The following GPC5 variants were observed in gnomAD, a reference collection of about 807,000 sequenced individuals.
GPC5 encodes the protein glypican-5.
A neutral mutation model predicts 53.9 loss-of-function variants in GPC5; 47 were observed. That is an observed-to-expected ratio of 0.87 (90% CI 0.69 to 1.11). The LOEUF (loss-of-function observed/expected upper bound fraction) is 1.11. GPC5 is among the 50% of genes most tolerant of loss of function. The probability of loss-of-function intolerance (pLI) is 0.00; values close to 1 mark genes in which losing one functional copy is unlikely to be tolerated. For synonymous variants in GPC5, 286 were observed against 263.3 expected, an observed-to-expected ratio of 1.09 and a Z score of -0.84; for missense variants, 748 against 713.1, an observed-to-expected ratio of 1.05 and a Z score of -0.56.
At chr13:91,657,472 G>T (rs552952317) in intron 2 of GPC5, among the ~76,000 whole-genome samples, 1 of 152,184 alleles carries the variant, frequency 6.6e-6, no homozygotes, top group Admixed American at 6.6e-5. Context: ...GCTCAGAGTG[G>T]GTTGCGGATT....
intron 7 of GPC5, among the ~76,000 whole-genome samples, chr13:92,173,590 G>T (rs2042085945): frequency 6.6e-6 from 1 of 152,056 alleles, no homozygotes; most frequent in African/African-American, 2.4e-5. Flanking sequence ...TTAGGAGTTG[G>T]TTTAATAAAG....
intron 7 of GPC5, among the ~76,000 whole-genome samples, chr13:92,379,559 T>TTGCATATTAGTTCCTCTCTGTGCCCCC (rs1566564183): frequency 1.3e-5 from 2 of 149,156 alleles, no homozygotes; most frequent in African/African-American, 5.0e-5. Flanking sequence ...CCTGTGCCCC[T>TTGCATATTAGTTCCTCTCTGTGCCCCC]TGCATATTAG....
chr13:92,138,562 A>G (rs1229556069), intron 6 of GPC5, among the ~76,000 whole-genome samples: 2 of 151,916 alleles, frequency 1.3e-5, no homozygotes, highest in Non-Finnish European at 2.9e-5. Flanking sequence ...AAAAATAAAA[A>G]TAAAAATACT....
intron 5 of GPC5, among the ~76,000 whole-genome samples, chr13:91,766,458 C>G (rs1378659712): frequency 2.0e-5 from 3 of 152,190 alleles, no homozygotes; most frequent in Non-Finnish European, 2.9e-5. Flanking sequence ...TGGTTAGGAA[C>G]AGGTTCAGGA....
Position 91,917,112 on chromosome 13 carries a change from A to G in GPC5, c.1401+9055A>G, listed in dbSNP as rs1258436749. Among the ~76,000 whole-genome samples, 5 of 152,206 alleles carry G rather than the reference A, an allele frequency of 3.3e-5. No homozygotes were observed. In the East Asian group the frequency reaches 9.6e-4, roughly 29 times the overall value. On this transcript the variant is annotated intron_variant, in intron 6 of 7. Transcript: ENST00000377067. ...AAGACAAGGCAAGTCCCTTCCACGTATGAGCCTGTAAAATCAAAAGCAAGT... is the reference window on the plus strand; with the variant it reads ...AAGACAAGGCAAGTCCCTTCCACGTGTGAGCCTGTAAAATCAAAAGCAAGT...
At chr13:91,709,968 G>T (rs342689) in intron 3 of GPC5, among the ~76,000 whole-genome samples, 1 of 152,102 alleles carries the variant, frequency 6.6e-6, no homozygotes, top group Non-Finnish European at 1.5e-5. Context: ...TACCACCCTT[G>T]TCACATATCA....
At chr13:91,996,991 A>G (rs994569492) in intron 6 of GPC5, among the ~76,000 whole-genome samples, 16 of 152,052 alleles carry the variant, frequency 1.1e-4, no homozygotes, top group African/African-American at 3.6e-4. Flanking sequence ...TATCTTAATT[A>G]TAATATATCC....
intron 7 of GPC5, among the ~76,000 whole-genome samples, chr13:92,285,016 T>C (rs1235283467): frequency 1.3e-5 from 2 of 152,122 alleles, no homozygotes; most frequent in Non-Finnish European, 2.9e-5. Flanking sequence ...CCAAAATCTC[T>C]TTACACTGAT....
At chr13:92,127,328 T>C (rs1009239790) in intron 6 of GPC5, among the ~76,000 whole-genome samples, 10 of 151,544 alleles carry the variant, frequency 6.6e-5, no homozygotes, top group Non-Finnish European at 1.5e-4. Flanking sequence ...TATGTGTATG[T>C]GTATATATAT....
chr13:91,483,831 T>C (rs768526564), intron 2 of GPC5, among the ~76,000 whole-genome samples: 11 of 152,164 alleles, frequency 7.2e-5, no homozygotes, highest in Non-Finnish European at 1.6e-4. Flanking sequence ...AACATTACAG[T>C]GAAACAATTG....
At chr13:92,527,227 AAGAAAGAAAGAAAGAAAGAAAG>A (rs57743453) in intron 7 of GPC5, among the ~76,000 whole-genome samples, 8,130 of 53,624 alleles carry the variant, frequency 0.15, 1,516 homozygotes, top group Middle Eastern at 0.33. Context: ...GAAAGAAAGA[AAGAAAGAAAGAAAGAAAGAAAG>A]AGAAAGAAAG....
At chr13:91,726,970 T>C (rs952999540) in intron 3 of GPC5, among the ~76,000 whole-genome samples, 3 of 152,196 alleles carry the variant, frequency 2.0e-5, no homozygotes, top group African/African-American at 7.2e-5. Context: ...ACACCAGCCT[T>C]ACCTCTTCTT....
At chr13:92,382,203 T>C (rs1377768066) in intron 7 of GPC5, among the ~76,000 whole-genome samples, 1 of 151,764 alleles carries the variant, frequency 6.6e-6, no homozygotes. Flanking sequence ...CAATGGACTT[T>C]GGGGACTTGG....
intron 7 of GPC5, among the ~76,000 whole-genome samples, chr13:92,444,736 A>C (rs1293492119): frequency 6.8e-6 from 1 of 147,548 alleles, no homozygotes; most frequent in Non-Finnish European, 1.5e-5. Flanking sequence ...AAAAAAAAAA[A>C]AAAAGTCTAA....
At chr13:92,420,899 A>G (rs1419004501) in intron 7 of GPC5, among the ~76,000 whole-genome samples, 1 of 152,178 alleles carries the variant, frequency 6.6e-6, no homozygotes, top group Non-Finnish European at 1.5e-5. Context: ...CTGTTGATGG[A>G]CACCTAAGTT....
intron 5 of GPC5, among the ~76,000 whole-genome samples, chr13:91,885,439 C>G (rs946077290): frequency 7.9e-5 from 12 of 152,188 alleles, no homozygotes; most frequent in African/African-American, 2.7e-4. Flanking sequence ...TTTCTTCCCC[C>G]TCCCCGACTA....
chr13:92,753,420 C>T (rs557555000), intron 7 of GPC5, among the ~76,000 whole-genome samples: 16 of 152,310 alleles, frequency 1.1e-4, no homozygotes, highest in Middle Eastern at 3.4e-3. Context: ...AAGAGCAGAG[C>T]ACCTCTCCTC....
chr13:92,072,869 C>T (rs1433027990), intron 6 of GPC5, among the ~76,000 whole-genome samples: 1 of 152,070 alleles, frequency 6.6e-6, no homozygotes, highest in African/African-American at 2.4e-5. Context: ...CCATGACCAA[C>T]CAAGAGTTAA....
At chr13:92,028,024 A>G (rs2040813289) in intron 6 of GPC5, among the ~76,000 whole-genome samples, 2 of 152,250 alleles carry the variant, frequency 1.3e-5, no homozygotes, top group South Asian at 2.1e-4. Context: ...GTTAGTAAAA[A>G]GTAAATGTCA....
Sources: allele counts gnomAD v4.1 joint callset (sites outside exome capture counted in the v4.1 genomes callset), GRCh38; gene constraint gnomAD v4.1.1; transcripts MANE v1.5; gene names NCBI Gene and HGNC (gene_info 2026-07-23, HGNC 2026-07-21).